ADAMTS9: variants seen among roughly 807,000 people sequenced by gnomAD.
ADAMTS9 encodes the protein ADAM metallopeptidase with thrombospondin type 1 motif 9.
Under a neutral mutation model 257.1 loss-of-function variants are expected in ADAMTS9, and 107 were observed. That is an observed-to-expected ratio of 0.42 (90% CI 0.36 to 0.49). The LOEUF is 0.49. Among genes scored for constraint, ADAMTS9 ranks in the 20% least tolerant of loss-of-function variants. ADAMTS9 has a pLI of 0.03. For synonymous variants in ADAMTS9, 982 were observed against 880.9 expected (o/e 1.11, Z -2.03); for missense variants, 2,353 against 2,469.1 (o/e 0.95, Z 1.00).
At position 64,539,255 on chromosome 3, in the gene ADAMTS9, G is replaced by A. The variant is rs903166615; in HGVS notation, c.5561C>T (p.Pro1854Leu). The A allele has an allele frequency of 6.2e-7, 1 of 1,613,982 alleles. No individual in the cohort carries two copies. Among genetic ancestry groups the A allele is most frequent in the African/African-American group, 1.3e-5 (1 of 74,926 alleles). ...LQFARTSEGHPVPFATAGDCY... is the reference protein window; with the variant it reads ...LQFARTSEGHLVPFATAGDCY... ...ATCCCCGGCTGTGGCAAAAGGGACG[G>A]GATGTCCTTCGCTTGTCCTTGCAAA... The change falls in exon 37 of 40, where the codon CCC becomes CTC. Residue 1854 changes from proline (P) to leucine (L), a missense_variant. By Grantham distance (98) the Pro-to-Leu change is moderately conservative (BLOSUM62 -3). This residue lies in a region of ADAMTS9 where 1,402 missense variants were observed against 1,441.4 expected (regional missense o/e 0.97). Coordinates refer to ENST00000498707, the MANE Select transcript of ADAMTS9 (RefSeq NM_182920.2).
At chr3:64,678,154 G>T (rs1014547803) in intron 3 of ADAMTS9, among the ~76,000 whole-genome samples, 1 of 152,134 alleles carries the variant, frequency 6.6e-6, no homozygotes, top group Non-Finnish European at 1.5e-5. Flanking sequence ...GGGAAGGTTC[G>T]GATGGGTTGG....
rs1449266684 is a variant in ADAMTS9, at chr3:64,573,182, T to C, written c.4357-4647A>G. Among the ~76,000 whole-genome samples the C allele has an allele frequency of 2.0e-5, 3 of 151,886 alleles. No individual in the cohort carries two copies. In the East Asian group the frequency reaches 5.8e-4, roughly 29 times the overall value. On this transcript the variant is annotated intron_variant, in intron 28 of 39. Coordinates refer to ENST00000498707, the MANE Select transcript of ADAMTS9 (RefSeq NM_182920.2). ...ATGAGGACCAGGACTGCCTGAGTTA[T>C]AGCAGATGCCTGCTATGCAAGGACT...
At position 64,522,182 on chromosome 3, in the gene ADAMTS9, G is replaced by A. The variant is rs1354994368; in HGVS notation, c.5797C>T (p.Arg1933Ter). 5.0e-6 allele frequency: 8 copies of A among 1,613,702 alleles called. No homozygotes were observed. The highest frequency in any genetic ancestry group is 2.7e-5 in the African/African-American group (2 of 74,896). ...ACTACTTACCTTAGCTATAAAACTC[G>A]CACCTCCAGGCCAGTACCAGAGGAT... ...TPSSGTGLEV[R>*]VL Residue 1933 changes from arginine to a stop codon, truncating the protein, a stop_gained, in exon 39 of 40, where the codon CGA (arginine) becomes TGA (stop). Coordinates refer to ENST00000498707, the MANE Select transcript of ADAMTS9 (RefSeq NM_182920.2). LOFTEE classifies it high-confidence loss of function.
chr3:64,599,535 C>T (rs2084420739), intron 26 of ADAMTS9, among the ~76,000 whole-genome samples: 1 of 152,146 alleles, frequency 6.6e-6, no homozygotes, highest in East Asian at 1.9e-4. Flanking sequence ...TTTAAGAAAA[C>T]ATTCCTCCTC....
At chr3:64,568,261 C>A in intron 29 of ADAMTS9, 107 bp downstream of exon 29, 1 of 1,248,410 alleles carries the variant, frequency 8.0e-7, no homozygotes, top group South Asian at 1.6e-5. Context: ...TCCCCGAGCT[C>A]CCCTCGGTAA....
At chr3:64,561,831 GAGGGGAATGCAC>G in intron 29 of ADAMTS9, 80 bp from the exon 30 acceptor site, 1 of 1,292,588 alleles carries the variant, frequency 7.7e-7, no homozygotes, top group Non-Finnish European at 1.1e-6. Flanking sequence ...GGTCACAGAG[GAGGGGAATGCAC>G]TCCTAATCCA....
At chr3:64,681,050 T>G in intron 3 of ADAMTS9, 151 bp downstream of exon 3, 1 of 831,420 alleles carries the variant, frequency 1.2e-6, no homozygotes, top group Non-Finnish European at 1.8e-6. Context: ...ATCTGTACAG[T>G]GGGGTATGTA....
intron 11 of ADAMTS9, 31 bp downstream of exon 11, chr3:64,647,909 A>AGGAAG (rs1700836537): frequency 6.3e-7 from 1 of 1,590,130 alleles, no homozygotes. Flanking sequence ...TTCTGCCCTA[A>AGGAAG]GACAGAAGGA....
In ADAMTS9 at chr3:64,686,959, A is replaced by G. The variant is rs747177478; in HGVS notation, c.125T>C (p.Leu42Ser). 1.9e-6 allele frequency: 3 copies of G among 1,613,308 alleles called. No individual in the cohort carries two copies. Among genetic ancestry groups the G allele is most frequent in the South Asian group, 1.1e-5 (1 of 91,028 alleles). Residue 42 changes from leucine to serine, a missense_variant, in exon 2 of 40, where the codon TTA becomes TCA. Coordinates refer to ENST00000498707, the MANE Select transcript of ADAMTS9 (RefSeq NM_182920.2). The surrounding 1 kb of genome is among the most constrained non-coding windows in gnomAD (Gnocchi z 4.6). ...DRLHPRQVKL[L>S]ETLSEYEIVS... ...GATTTCGTATTCGCTCAGGGTCTCT[A>G]ATAATTTCACTGCGGAGAGAAGCAG...
intron 32 of ADAMTS9, among the ~76,000 whole-genome samples, chr3:64,544,345 T>C (rs2083168477): frequency 1.3e-5 from 2 of 152,152 alleles, no homozygotes; most frequent in Non-Finnish European, 2.9e-5. Context: ...GGAGGCATCA[T>C]GCTACCTGAC....
intron 28 of ADAMTS9, among the ~76,000 whole-genome samples, chr3:64,585,747 A>C (rs1477941493): frequency 1.3e-5 from 2 of 152,166 alleles, no homozygotes. Context: ...ATTTCTACTA[A>C]AAATGCCAGA....
In ADAMTS9 at chr3:64,629,193, G is replaced by A. The variant is rs147660097; in HGVS notation, c.2389+2262C>T. Among the ~76,000 whole-genome samples the A allele has an allele frequency of 7.1e-4, 108 of 152,192 alleles. 1 individual carries two copies. The East Asian group carries it at 0.018, about 25-fold the overall frequency. On this transcript the variant is annotated intron_variant, in intron 16 of 39. Transcript: ENST00000498707. ...ACCAGCATCTCCCTCCTGGATTACT[G>A]CAATGATTTCCTAATCAATGGCACC...
rs777641286 is a variant in ADAMTS9, at chr3:64,622,182, A to G, written c.2686+16T>C. On this transcript the variant is annotated intron_variant, in intron 18 of 39. Transcript: ENST00000498707. ...AAACTTCTCAAATCCCCAGAACTCAAATTCAAAGCAGATACCTTGGCAGGG... is the reference window on the plus strand; with the variant it reads ...AAACTTCTCAAATCCCCAGAACTCAGATTCAAAGCAGATACCTTGGCAGGG... 6.3e-7 allele frequency: 1 copy of G among 1,588,580 alleles called. No homozygotes were observed. Among genetic ancestry groups the G allele is most frequent in the South Asian group, 1.2e-5 (1 of 86,024 alleles).
In ADAMTS9 at chr3:64,613,328, C is replaced by G; in HGVS notation, c.3354+17G>C. On this transcript the variant is annotated intron_variant, in intron 22 of 39. Transcript: ENST00000498707. ...AGGAAAGAATGTAGCAGTTAAGAATCTTATCGTTCAAAATACCTGTCCCCA... is the reference window on the plus strand; with the variant it reads ...AGGAAAGAATGTAGCAGTTAAGAATGTTATCGTTCAAAATACCTGTCCCCA... 2 of 1,611,366 alleles carry G rather than the reference C, an allele frequency of 1.2e-6. No individual in the cohort carries two copies. Among genetic ancestry groups the G allele is most frequent in the South Asian group, 2.2e-5 (2 of 90,640 alleles).
chr3:64,642,085 T>C (rs1700660385), intron 11 of ADAMTS9, 92 bp from the exon 12 acceptor site: 1 of 1,415,572 alleles, frequency 7.1e-7, no homozygotes, highest in East Asian at 2.3e-5. Flanking sequence ...ACTGTAATTC[T>C]TTTCCATGTG....
intron 16 of ADAMTS9, among the ~76,000 whole-genome samples, chr3:64,629,434 C>T (rs1206479197): frequency 1.3e-5 from 2 of 152,218 alleles, no homozygotes; most frequent in Non-Finnish European, 2.9e-5. Flanking sequence ...CCTCTGTGCT[C>T]ACTTGGCAAC....
chr3:64,594,263 T>C lies in ADAMTS9; in HGVS notation c.4351A>G (p.Ser1451Gly). 2 of 1,613,310 alleles carry C rather than the reference T, an allele frequency of 1.2e-6. No homozygotes were observed. Among genetic ancestry groups the C allele is most frequent in the Non-Finnish European group, 1.7e-6 (2 of 1,179,516 alleles). Reference sequence around the variant, plus strand: ...ATGAATAGTTAGGGCCGTACCGAGCTCCAAGGGCCAGTACTCCATGCAGCG... The same window carrying C: ...ATGAATAGTTAGGGCCGTACCGAGCCCCAAGGGCCAGTACTCCATGCAGCG... ...HDAAWSTGPW[S>G]SCSVSCGRGH... is the part of the protein sequence containing the mutation. Residue 1451 changes from serine to glycine, a missense_variant, in exon 28 of 40, where the codon AGC becomes GGC. Physicochemically the swap from Ser to Gly is moderately conservative, Grantham distance 56. Transcript: ENST00000498707.
intron 28 of ADAMTS9, among the ~76,000 whole-genome samples, chr3:64,579,610 G>C (rs1278518028): frequency 6.6e-6 from 1 of 151,978 alleles, no homozygotes; most frequent in Non-Finnish European, 1.5e-5. Context: ...AAAATGCCTA[G>C]AATGGTACCT....
Position 64,517,416 on chromosome 3 carries a change from G to GT in ADAMTS9, c.*6-296dup, listed in dbSNP as rs755480110. On this transcript the variant is annotated intron_variant, in intron 39 of 39. Coordinates refer to ENST00000498707, the MANE Select transcript of ADAMTS9 (RefSeq NM_182920.2). ...CATCAAGCCCAGCTAATTAAAAATG[G>GT]TTTTTTTTTTTTTTTTTTTTTTTGC... Among the ~76,000 whole-genome samples, 166 of 52,660 alleles carry GT rather than the reference G, an allele frequency of 3.2e-3. 25 individuals carry two copies. Among genetic ancestry groups the GT allele is most frequent in the African/African-American group, 3.4e-3 (64 of 18,988 alleles). 34.5% of individuals were successfully genotyped at this position (52,660 alleles called of 152,430 possible).
Sources: gnomAD v4.1 joint callset for allele counts (sites outside exome capture counted in the v4.1 genomes callset) on GRCh38, gnomAD v4.1.1 for gene constraint, gnomAD v4.1.1 regional missense constraint, Gnocchi (gnomAD v3.1) non-coding constraint, MANE v1.5 for transcripts, NCBI Gene and HGNC (gene_info 2026-07-23, HGNC 2026-07-21) for gene names.